CD2AP: variants seen among roughly 807,000 people sequenced by gnomAD.
CD2AP encodes CD2 associated protein.
A neutral mutation model predicts 85.1 loss-of-function variants in CD2AP; 46 were observed. The observed-to-expected ratio is 0.54, with a 90% CI of 0.43 to 0.69. CD2AP has a LOEUF of 0.69. Ranked by LOEUF, CD2AP falls within the 30% of genes least tolerant of loss-of-function variation. The pLI is 0.00. For synonymous variants in CD2AP, 255 were observed against 252.9 expected (o/e 1.01, Z -0.08); for missense variants, 769 against 729.5 (o/e 1.05, Z -0.62).
intron 1 of CD2AP, among the ~76,000 whole-genome samples, chr6:47,497,336 C>CTTT: frequency 2.1e-5 from 3 of 141,184 alleles, no homozygotes; most frequent in African/African-American, 8.3e-5. Flanking sequence ...CTTTCCTTTC[C>CTTT]CTTCCCTTCC....
chr6:47,614,753 C>T (rs370806287), intron 17 of CD2AP, among the ~76,000 whole-genome samples: 42 of 152,194 alleles, frequency 2.8e-4, no homozygotes, highest in African/African-American at 9.9e-4. Flanking sequence ...CACAGCAAAA[C>T]GAAGTACAAT....
intron 14 of CD2AP, among the ~76,000 whole-genome samples, chr6:47,607,239 C>G (rs140364003): frequency 6.6e-6 from 1 of 152,088 alleles, no homozygotes; most frequent in Non-Finnish European, 1.5e-5. Flanking sequence ...CAATTCTTGG[C>G]TGTATTCTTG....
Position 47,553,513 on chromosome 6 carries a change from ATTTTTTTTTTT to A in CD2AP, c.421-1119_421-1109del, listed in dbSNP as rs148273065. ...AGGTGTGCACCACCACACCTAGTGA[ATTTTTTTTTTT>A]TTTTTTTTTTTTTGTATTTTTAGTA... On this transcript the variant is annotated intron_variant, in intron 4 of 17. Coordinates refer to ENST00000359314, the MANE Select transcript of CD2AP (RefSeq NM_012120.3). 6.3e-5 allele frequency among the ~76,000 whole-genome samples: 7 copies of A among 110,508 alleles called. No individual in the cohort carries two copies. In the East Asian group the frequency reaches 8.1e-4, roughly 13 times the overall value. 72.5% of individuals were successfully genotyped at this position (110,508 alleles called of 152,430 possible).
chr6:47,528,771 C>CT (rs1392352081), intron 2 of CD2AP, among the ~76,000 whole-genome samples: 3 of 152,074 alleles, frequency 2.0e-5, no homozygotes, highest in African/African-American at 7.2e-5. Context: ...TCTCACCTAT[C>CT]TTTTTTTGTG....
chr6:47,536,483 A>G (rs1351488359), intron 3 of CD2AP, among the ~76,000 whole-genome samples: 1 of 152,212 alleles, frequency 6.6e-6, no homozygotes, highest in Non-Finnish European at 1.5e-5. Flanking sequence ...TGTCTAAGCA[A>G]CTACAAAGGA....
chr6:47,617,372 T>C (rs908226232), intron 17 of CD2AP, among the ~76,000 whole-genome samples: 3 of 152,206 alleles, frequency 2.0e-5, no homozygotes, highest in Non-Finnish European at 4.4e-5. Flanking sequence ...ATGAATCTAA[T>C]GATTAGCTCT....
At chr6:47,515,519 CAA>C (rs1766431124) in intron 2 of CD2AP, among the ~76,000 whole-genome samples, 1 of 152,142 alleles carries the variant, frequency 6.6e-6, no homozygotes, top group East Asian at 1.9e-4. Flanking sequence ...CATTCTTACC[CAA>C]AGTCTTGCTG....
At chr6:47,511,899 T>C (rs1766321921) in intron 2 of CD2AP, among the ~76,000 whole-genome samples, 3 of 151,772 alleles carry the variant, frequency 2.0e-5, no homozygotes, top group Non-Finnish European at 2.9e-5. Context: ...TGGCTCACAC[T>C]TGTAATCCCA....
intron 3 of CD2AP, among the ~76,000 whole-genome samples, chr6:47,544,321 T>G (rs1048720248): frequency 6.6e-6 from 1 of 152,164 alleles, no homozygotes; most frequent in Non-Finnish European, 1.5e-5. Context: ...TATTGTCGGT[T>G]TTTTTAGTCT....
chr6:47,506,743 A>G (rs1468824319), intron 2 of CD2AP, among the ~76,000 whole-genome samples: 6 of 143,280 alleles, frequency 4.2e-5, no homozygotes, highest in African/African-American at 1.5e-4. Context: ...TGGCAGCAGT[A>G]CAGTCCAGCT....
chr6:47,562,839 A>C (rs986021840), intron 5 of CD2AP: 31 of 994,388 alleles, frequency 3.1e-5, no homozygotes, highest in African/African-American at 9.5e-5. Context: ...CTGAACACCA[A>C]ATCAACCTAA....
intron 1 of CD2AP, among the ~76,000 whole-genome samples, chr6:47,496,977 C>T (rs1008623777): frequency 3.6e-4 from 55 of 152,096 alleles, no homozygotes; most frequent in Non-Finnish European, 4.1e-4. Flanking sequence ...CTTTCCTTTA[C>T]GAACCTCCCT....
At chr6:47,504,935 T>C (rs930280161) in intron 2 of CD2AP, among the ~76,000 whole-genome samples, 4 of 151,262 alleles carry the variant, frequency 2.6e-5, no homozygotes, top group Admixed American at 1.3e-4. Context: ...ATCTTTTTGC[T>C]GGTGGAGGAT....
chr6:47,501,684 A>G (rs551256866), intron 1 of CD2AP, among the ~76,000 whole-genome samples: 1 of 147,530 alleles, frequency 6.8e-6, no homozygotes, highest in East Asian at 2.0e-4. Context: ...GTGTGTGTGT[A>G]TTTTCTTTTT....
At chr6:47,549,460 C>CAAAAAAAAAAA (rs67626138) in intron 4 of CD2AP, among the ~76,000 whole-genome samples, 5 of 110,708 alleles carry the variant, frequency 4.5e-5, no homozygotes, top group Non-Finnish European at 3.6e-5. Flanking sequence ...ACAATAGCTG[C>CAAAAAAAAAAA]AAAAAAAAAA....
intron 1 of CD2AP, among the ~76,000 whole-genome samples, chr6:47,492,433 A>G (rs945542388): frequency 6.7e-6 from 1 of 149,058 alleles, no homozygotes; most frequent in African/African-American, 2.5e-5. Flanking sequence ...GCTCACTGCA[A>G]CCTCAAACTC....
intron 1 of CD2AP, among the ~76,000 whole-genome samples, chr6:47,482,624 C>T (rs1055523823): frequency 6.6e-6 from 1 of 152,062 alleles, no homozygotes; most frequent in African/African-American, 2.4e-5. Flanking sequence ...GTAATCTGCC[C>T]CCCTCAGCCT....
intron 2 of CD2AP, among the ~76,000 whole-genome samples, chr6:47,523,998 T>TA (rs902191797): frequency 1.3e-5 from 2 of 152,226 alleles, no homozygotes; most frequent in Middle Eastern, 3.2e-3. Flanking sequence ...CTGTTTCCTA[T>TA]AAAACAAATC....
At chr6:47,506,918 G>T (rs1766188749) in intron 2 of CD2AP, among the ~76,000 whole-genome samples, 2 of 152,312 alleles carry the variant, frequency 1.3e-5, no homozygotes, top group South Asian at 4.1e-4. Flanking sequence ...CTTATTTAGT[G>T]AAAGATTTCC....
Sources: gnomAD v4.1 joint callset for allele counts (sites outside exome capture counted in the v4.1 genomes callset) on GRCh38, gnomAD v4.1.1 for gene constraint, MANE v1.5 for transcripts, NCBI Gene and HGNC (gene_info 2026-07-23, HGNC 2026-07-21) for gene names.